HTT-AS: variants seen among roughly 807,000 people sequenced by gnomAD.
HTT-AS encodes HTT antisense RNA (head to head).
At chr4:3,048,106 T>C (rs991544493), downstream of HTT-AS, among the ~76,000 whole-genome samples, 1 of 151,938 alleles carries the variant, frequency 6.6e-6, no homozygotes, top group African/African-American at 2.4e-5. Flanking sequence ...GTGGTAGTGG[T>C]CCCCTGGGCC....
rs554418422 is a variant in HTT-AS at position 3,056,030 on chromosome 4, G to T, written n.1381-6332C>A. 3.3e-5 allele frequency among the ~76,000 whole-genome samples: 5 copies of T among 152,180 alleles called. 1 individual carries two copies. In the South Asian group the frequency reaches 1.0e-3, roughly 32 times the overall value. ...CAGAGAGCTCGAAACACAAACTGTG[G>T]ATCTCCAAAATCCAAGAGAGGACTT... On this transcript the variant is annotated intron_variant and non_coding_transcript_variant, in intron 2 of 2. Transcript: ENST00000664062.
Position 3,074,420 on chromosome 4 carries a change from C to A in HTT-AS, n.113+6G>T, listed in dbSNP as rs760977882. ...CCGCGACACTTCACACACAGCTTCG[C>A]CTCACCCCATTACAGTCTCACCACG... On this transcript the variant is annotated splice_donor_region_variant and intron_variant and non_coding_transcript_variant, in intron 1 of 2. Coordinates refer to ENST00000664062, the Ensembl canonical transcript of HTT-AS. 1.6e-3 allele frequency: 265 copies of A among 169,194 alleles called. 2 individuals carry two copies. The highest frequency in any genetic ancestry group is 2.7e-3 in the Non-Finnish European group (217 of 80,632). The allele number at this position is 169,194 out of a possible 1,614,324, so 10.5% of individuals were successfully genotyped here.
intron 1 of HTT-AS, among the ~76,000 whole-genome samples, chr4:3,064,171 C>T (rs1711997698): frequency 6.6e-6 from 1 of 151,166 alleles, no homozygotes; most frequent in African/African-American, 2.4e-5. Flanking sequence ...TCTCAGCTCA[C>T]TACAAGCTCT....
intron 2 of HTT-AS, among the ~76,000 whole-genome samples, chr4:3,053,089 C>A (rs1467746245): frequency 6.6e-6 from 1 of 152,162 alleles, no homozygotes; most frequent in Non-Finnish European, 1.5e-5. Flanking sequence ...GCATGCTTTC[C>A]TGGTCCTGTT....
At chr4:3,057,371 G>C (rs1411765530) in intron 2 of HTT-AS, among the ~76,000 whole-genome samples, 1 of 152,026 alleles carries the variant, frequency 6.6e-6, no homozygotes, top group Admixed American at 6.6e-5. Context: ...TGACCTCAAG[G>C]TTCATCCATG....
At chr4:3,047,552 C>T (rs190238757), downstream of HTT-AS, among the ~76,000 whole-genome samples, 30 of 152,314 alleles carry the variant, frequency 2.0e-4, no homozygotes, top group Middle Eastern at 3.4e-3. Flanking sequence ...CTCTGTCACG[C>T]TCAGACAGGG....
intron 1 of HTT-AS, among the ~76,000 whole-genome samples, chr4:3,070,758 C>T (rs1389828275): frequency 6.6e-6 from 1 of 152,210 alleles, no homozygotes; most frequent in African/African-American, 2.4e-5. Flanking sequence ...ATTCCTTTAA[C>T]TCAGCTCCTT....
chr4:3,073,935 C>T (rs398982), intron 1 of HTT-AS, among the ~76,000 whole-genome samples: 1 of 152,176 alleles, frequency 6.6e-6, no homozygotes, highest in Admixed American at 6.5e-5. Context: ...CCACGGCCGG[C>T]TGTCGCCCCG....
intron 2 of HTT-AS, among the ~76,000 whole-genome samples, chr4:3,049,853 T>G (rs1490187088): frequency 6.6e-6 from 1 of 151,906 alleles, no homozygotes; most frequent in Non-Finnish European, 1.5e-5. Context: ...AATCCCTTTA[T>G]AAAATATGTA....
intron 2 of HTT-AS, among the ~76,000 whole-genome samples, chr4:3,060,065 G>T (rs1237767803): frequency 1.3e-5 from 2 of 152,082 alleles, no homozygotes; most frequent in Non-Finnish European, 2.9e-5. Context: ...GTGTTCCTGG[G>T]TCTTTCGATG....
At chr4:3,050,840 C>A (rs976721803) in intron 2 of HTT-AS, among the ~76,000 whole-genome samples, 1 of 152,106 alleles carries the variant, frequency 6.6e-6, no homozygotes. Context: ...ATCCCGTTTA[C>A]CTCTCTTTGG....
chr4:3,058,695 A>G (rs181679359), intron 2 of HTT-AS, among the ~76,000 whole-genome samples: 1 of 150,982 alleles, frequency 6.6e-6, no homozygotes, highest in Non-Finnish European at 1.5e-5. Context: ...CGCCTCTGAC[A>G]TATTAGCTGC....
intron 1 of HTT-AS, among the ~76,000 whole-genome samples, chr4:3,065,444 A>G (rs1363787307): frequency 6.6e-6 from 1 of 152,086 alleles, no homozygotes; most frequent in East Asian, 1.9e-4. Context: ...GGGTTTCACC[A>G]TGTTGGTCAG....
At chr4:3,062,010 A>AG (rs1491037312) in intron 2 of HTT-AS, among the ~76,000 whole-genome samples, 4 of 146,360 alleles carry the variant, frequency 2.7e-5, no homozygotes, top group Non-Finnish European at 3.0e-5. Flanking sequence ...AAAAAAAAAA[A>AG]AAAGAGAGAG....
At chr4:3,052,791 C>T (rs1711730606) in intron 2 of HTT-AS, among the ~76,000 whole-genome samples, 2 of 151,924 alleles carry the variant, frequency 1.3e-5, no homozygotes, top group South Asian at 4.2e-4. Context: ...GAGTTCGAGA[C>T]CAGCCTGGGC....
At chr4:3,065,863 T>C (rs893134943) in intron 1 of HTT-AS, among the ~76,000 whole-genome samples, 3 of 152,234 alleles carry the variant, frequency 2.0e-5, no homozygotes, top group Non-Finnish European at 4.4e-5. Context: ...GTGGTTTCCA[T>C]TGAATGTGTA....
At chr4:3,047,509 G>C (rs1255101319), downstream of HTT-AS, among the ~76,000 whole-genome samples, 1 of 152,238 alleles carries the variant, frequency 6.6e-6, no homozygotes, top group Non-Finnish European at 1.5e-5. Context: ...TGAAGGGACA[G>C]GGTGAGAAGT....
chr4:3,059,085 C>A (rs765275780), intron 2 of HTT-AS, among the ~76,000 whole-genome samples: 2 of 152,130 alleles, frequency 1.3e-5, no homozygotes, highest in Non-Finnish European at 2.9e-5. Flanking sequence ...GCCATCCTTG[C>A]GTCCTTGCAG....
chr4:3,057,603 G>A (rs2960299), intron 2 of HTT-AS, among the ~76,000 whole-genome samples: 8,812 of 152,166 alleles, frequency 0.058, 376 homozygotes, highest in African/African-American at 0.12. Context: ...CCCGATGGCC[G>A]CTGGTTGGCT....
Sources: gnomAD v4.1 joint callset for allele counts (sites outside exome capture counted in the v4.1 genomes callset) on GRCh38, gnomAD v4.1.1 for gene constraint, MANE v1.5 for transcripts, NCBI Gene and HGNC (gene_info 2026-07-23, HGNC 2026-07-21) for gene names.